The following COL7A1 variants were observed in gnomAD, a reference collection of about 807,000 sequenced individuals.
COL7A1 encodes collagen alpha-1(VII) chain.
In COL7A1, 296 loss-of-function variants were observed where a neutral mutation model predicts 456.2. That is an observed-to-expected ratio of 0.65 (90% CI 0.59 to 0.71). COL7A1 has a LOEUF of 0.71. COL7A1 is among the 30% of genes least tolerant of loss of function. COL7A1 has a pLI of 0.00. For missense variants in COL7A1, 3,441 were observed against 4,017.2 expected, an observed-to-expected ratio of 0.86 and a Z score of 3.88; for synonymous variants, 1,464 against 1,525.9, an observed-to-expected ratio of 0.96 and a Z score of 0.95.
chr3:48,566,332 A>T lies in COL7A1; in HGVS notation c.8359-17T>A, dbSNP rs200207978. On this transcript the variant is annotated splice_polypyrimidine_tract_variant and intron_variant, in intron 113 of 118. Coordinates refer to ENST00000681320, the MANE Select transcript of COL7A1 (RefSeq NM_000094.4). This position sits in a 1 kb window ranked among gnomAD's most constrained non-coding sequence, Gnocchi z 5.9. ...GTCATCCTCCTGGGAGCAGAAGACC[A>T]CAGGGACCATAAAGAACCCATGGCC... is the stretch of plus-strand genomic sequence containing the variant. 37 of 1,605,356 alleles carry T rather than the reference A, an allele frequency of 2.3e-5. No individual in the cohort carries two copies. The Admixed American group carries it at 4.5e-4, about 19-fold the overall frequency.
rs753853134 is a variant in COL7A1 at position 48,567,626 on chromosome 3, C to G, written c.7994G>C (p.Gly2665Ala). 4 of 1,613,716 alleles carry G rather than the reference C, an allele frequency of 2.5e-6. No homozygotes were observed. The highest frequency in any genetic ancestry group is 3.4e-6 in the Non-Finnish European group (4 of 1,179,950). Residue 2665 changes from glycine (G) to alanine (A), a missense_variant, in exon 109 of 119, where the codon GGT (glycine) becomes GCT (alanine). By Grantham distance (60) the Gly-to-Ala change is moderately conservative. Around this residue, in one of 3 missense-constraint regions of COL7A1, gnomAD observed 2,084 missense variants for 2,501.3 expected, o/e 0.83. Coordinates refer to ENST00000681320, the MANE Select transcript of COL7A1 (RefSeq NM_000094.4). This position sits in a 1 kb window ranked among gnomAD's most constrained non-coding sequence, Gnocchi z 4.3. ...AGHKGEMGEP[G>A]VPGQSGAPGK... is the part of the protein sequence containing the mutation. ...AGGGGCCCCCGACTGGCCCGGCACA[C>G]CAGGCTCCCCCTGGAGAAAAAAAGA...
In COL7A1 at chr3:48,578,253, A is replaced by T; in HGVS notation, c.5532+68T>A. On this transcript the variant is annotated intron_variant, in intron 65 of 118. Coordinates refer to ENST00000681320, the MANE Select transcript of COL7A1 (RefSeq NM_000094.4). This position sits in a 1 kb window ranked among gnomAD's most constrained non-coding sequence, Gnocchi z 4.7. ...ACGTGTGCCTCATGTGTTGCTACAG[A>T]TCTTGGCTGTGTAGGTGTGCTGGCG... is the stretch of plus-strand genomic sequence containing the variant. The T allele has an allele frequency of 6.3e-7, 1 of 1,582,906 alleles. No homozygotes were observed. The highest frequency in any genetic ancestry group is 8.7e-7 in the Non-Finnish European group (1 of 1,155,390).
chr3:48,576,036 T>G, intron 71 of COL7A1, 134 bp from the exon 72 acceptor site: 4 of 1,481,762 alleles, frequency 2.7e-6, no homozygotes, highest in Middle Eastern at 1.8e-4. Context: ...AGCACTTGGT[T>G]GAGGCATGGC....
Position 48,568,389 on chromosome 3 carries a change from T to C in COL7A1, c.7794+110A>G. ...GACCCTGGGTGACATGAGGACACCA[T>C]GAGAGCACTGGGTCACTATAAGGTC... On this transcript the variant is annotated intron_variant, in intron 105 of 118. Coordinates refer to ENST00000681320, the MANE Select transcript of COL7A1 (RefSeq NM_000094.4). The surrounding 1 kb of genome is among the most constrained non-coding windows in gnomAD (Gnocchi z 5.2). 8.3e-7 allele frequency: 1 copy of C among 1,207,344 alleles called. No homozygotes were observed. Among genetic ancestry groups the C allele is most frequent in the Non-Finnish European group, 1.2e-6 (1 of 837,642 alleles). The allele number at this position is 1,207,344 out of a possible 1,614,324, so 74.8% of individuals were successfully genotyped here. A position where few individuals can be genotyped will look rare whatever the true frequency, so the allele number is the denominator to read the frequency against.
At position 48,571,058 on chromosome 3, in the gene COL7A1, C is replaced by T. The variant is rs200688246; in HGVS notation, c.7164+43G>A. On this transcript the variant is annotated intron_variant, in intron 94 of 118. Coordinates refer to ENST00000681320, the MANE Select transcript of COL7A1 (RefSeq NM_000094.4). This position sits in a 1 kb window ranked among gnomAD's most constrained non-coding sequence, Gnocchi z 4.6. ...AACTCCCTCTTCCTCCTGTGGGGGC[C>T]CGGCCTGCTGCCCCTACAACTGGTG... The T allele has an allele frequency of 4.8e-5, 77 of 1,612,610 alleles. No individual in the cohort carries two copies. The East Asian group carries it at 1.3e-3, about 28-fold the overall frequency.
Position 48,570,181 on chromosome 3 carries a change from G to A in COL7A1, c.7441-3C>T. On this transcript the variant is annotated splice_polypyrimidine_tract_variant and splice_region_variant and intron_variant, in intron 98 of 118. Transcript: ENST00000681320. This position sits in a 1 kb window ranked among gnomAD's most constrained non-coding sequence, Gnocchi z 5.5. ...TGGCCGGGGCGGCCATCTTCACCCT[G>A]GATGGTGACATTAGGTTCATTGACT... 1 of 1,614,162 alleles carries A rather than the reference G, an allele frequency of 6.2e-7. No homozygotes were observed. The highest frequency in any genetic ancestry group is 1.7e-5 in the Admixed American group (1 of 60,028).
chr3:48,579,124 G>A lies in COL7A1; in HGVS notation c.5388+73C>T, dbSNP rs958134701. 5.7e-6 allele frequency: 9 copies of A among 1,576,348 alleles called. No individual in the cohort carries two copies. Among genetic ancestry groups the A allele is most frequent in the South Asian group, 2.2e-5 (2 of 90,198 alleles). On this transcript the variant is annotated intron_variant, in intron 62 of 118. Transcript: ENST00000681320. This position sits in a 1 kb window ranked among gnomAD's most constrained non-coding sequence, Gnocchi z 4.4. ...CTCGTCAAGGCCAAGACCAACCAATGAGGCTGGGGTCTAGGGTCCTCATGT... is the reference window on the plus strand; with the variant it reads ...CTCGTCAAGGCCAAGACCAACCAATAAGGCTGGGGTCTAGGGTCCTCATGT...
rs757458214 is a variant in COL7A1 at position 48,565,106 on chromosome 3, C to T, written c.8620+3G>A. On this transcript the variant is annotated splice_donor_region_variant and intron_variant, in intron 117 of 118. Transcript: ENST00000681320. The surrounding 1 kb of genome is among the most constrained non-coding windows in gnomAD (Gnocchi z 4.5). ...GACCCCGCTGGCAGCCCCCCATTCT[C>T]ACCATCACTATCCCAAGGAGCTTCA... 2.5e-6 allele frequency: 4 copies of T among 1,613,902 alleles called. No individual in the cohort carries two copies. The South Asian group carries it at 3.3e-5, about 13-fold the overall frequency.
chr3:48,591,442 G>T lies in COL7A1; in HGVS notation c.1636+22C>A, dbSNP rs1038961995. 5 of 1,611,832 alleles carry T rather than the reference G, an allele frequency of 3.1e-6. No homozygotes were observed. The Admixed American group carries it at 8.3e-5, about 27-fold the overall frequency. ...TGGAACTTCAGTGTGTGTGGTGGGG[G>T]TGCTGGCTGCGTCCACCTCACCCTG... On this transcript the variant is annotated intron_variant, in intron 13 of 118. Coordinates refer to ENST00000681320, the MANE Select transcript of COL7A1 (RefSeq NM_000094.4). The surrounding 1 kb of genome is among the most constrained non-coding windows in gnomAD (Gnocchi z 7.0).
chr3:48,584,094 G>A, intron 37 of COL7A1, 33 bp from the exon 38 acceptor site: 1 of 1,614,170 alleles, frequency 6.2e-7, no homozygotes, highest in South Asian at 1.1e-5. Context: ...ATGACCCTGG[G>A]CCACACCTCA....
rs767036698 is a variant in COL7A1 at position 48,584,323 on chromosome 3, G to A, written c.4172C>T (p.Pro1391Leu). Residue 1391 changes from proline to leucine, a missense_variant, in exon 37 of 119, where the codon CCA (proline) becomes CTA (leucine). Transcript: ENST00000681320. Reference protein sequence around the residue: ...PLGDPGPRGPPGLPGTAMKGD... With the variant: ...PLGDPGPRGPLGLPGTAMKGD... ...CTTCATGGCTGTTCCAGGAAGCCCT[G>A]GGGGGCCACGGGGTCCTGGGTCCCC... is the stretch of plus-strand genomic sequence containing the variant. 2.6e-5 allele frequency: 42 copies of A among 1,612,270 alleles called. No individual in the cohort carries two copies. The highest frequency in any genetic ancestry group is 3.4e-5 in the Non-Finnish European group (40 of 1,179,256).
In COL7A1 at chr3:48,572,875, C is replaced by G. The variant is rs1394275573; in HGVS notation, c.6818G>C (p.Ser2273Thr). The G allele has an allele frequency of 6.2e-7, 1 of 1,614,056 alleles. No homozygotes were observed. ...CAGAACACATACTGGCACACCAGGG[C>G]TCCCTCTGTCTCCATCTTTTCCACT... Reference protein sequence around the residue: ...GASGKDGDRGSPGVPGSPGLP... With the variant: ...GASGKDGDRGTPGVPGSPGLP... Residue 2273 changes from serine (S) to threonine (T), a missense_variant, in exon 87 of 119, where the codon AGC becomes ACC. Ser to Thr is a moderately conservative substitution (Grantham distance 58, BLOSUM62 1). Transcript: ENST00000681320. The surrounding 1 kb of genome is among the most constrained non-coding windows in gnomAD (Gnocchi z 4.6).
chr3:48,589,873 A>G (rs1046674155), intron 16 of COL7A1, among the ~76,000 whole-genome samples, 155 bp from the exon 17 acceptor site: 1 of 152,148 alleles, frequency 6.6e-6, no homozygotes, highest in Admixed American at 6.5e-5. Flanking sequence ...TGGAGGTTTT[A>G]GGAAGCAGTG....
chr3:48,586,648 G>C lies in COL7A1; in HGVS notation c.3318C>G (p.Phe1106Leu), dbSNP rs780864479. The change falls in exon 26 of 119, where the codon TTC (phenylalanine) becomes TTG (leucine). Residue 1106 changes from phenylalanine to leucine, a missense_variant. Phe to Leu is a conservative substitution (Grantham distance 22). This residue lies in a region of COL7A1 where 444 missense variants were observed against 427.6 expected (regional missense o/e 1.04). Transcript: ENST00000681320. The surrounding 1 kb of genome is among the most constrained non-coding windows in gnomAD (Gnocchi z 5.1). ...CAAGGTCATGGGAGCCATTCAGTGGGAACAGTGGGGAGGGCCGATGACTGT... is the reference window on the plus strand; with the variant it reads ...CAAGGTCATGGGAGCCATTCAGTGGCAACAGTGGGGAGGGCCGATGACTGT... ...LSYSHRPSPL[F>L]PLNGSHDLGI... 6.2e-7 allele frequency: 1 copy of C among 1,612,464 alleles called. No homozygotes were observed. Among genetic ancestry groups the C allele is most frequent in the Non-Finnish European group, 8.5e-7 (1 of 1,179,520 alleles).
At position 48,575,711 on chromosome 3, in the gene COL7A1, T is replaced by C; in HGVS notation, c.5894A>G (p.Glu1965Gly). The change falls in exon 73 of 119, where the codon GAG (glutamate) becomes GGG (glycine). Residue 1965 changes from glutamate to glycine, a missense_variant. This residue lies in a region of COL7A1 where 2,084 missense variants were observed against 2,501.3 expected (regional missense o/e 0.83). Coordinates refer to ENST00000681320, the MANE Select transcript of COL7A1 (RefSeq NM_000094.4). This position sits in a 1 kb window ranked among gnomAD's most constrained non-coding sequence, Gnocchi z 6.3. ...CACAGGCAGGAAGCTACCAGAGCTCTCATCCCAGGTCTCCACGATCTCCCG... is the reference window on the plus strand; with the variant it reads ...CACAGGCAGGAAGCTACCAGAGCTCCCATCCCAGGTCTCCACGATCTCCCG... ...ALREIVETWD[E>G]SSGSFLPVPE... 4 of 1,613,820 alleles carry C rather than the reference T, an allele frequency of 2.5e-6. No individual in the cohort carries two copies. Among genetic ancestry groups the C allele is most frequent in the Non-Finnish European group, 3.4e-6 (4 of 1,180,020 alleles).
chr3:48,576,339 G>A, intron 70 of COL7A1, 43 bp from the exon 71 acceptor site: 4 of 1,613,952 alleles, frequency 2.5e-6, no homozygotes, highest in Non-Finnish European at 3.4e-6. Context: ...GCCTATGGGT[G>A]TGCATGTGCA....
Position 48,566,391 on chromosome 3 carries a change from C to T in COL7A1, c.8359-76G>A, listed in dbSNP as rs2043606522. 3 of 1,605,470 alleles carry T rather than the reference C, an allele frequency of 1.9e-6. No individual in the cohort carries two copies. The highest frequency in any genetic ancestry group is 2.2e-5 in the South Asian group (2 of 90,628). ...GGACATAGGGCACATAATACAGGGA[C>T]TATGGTGAGACTGCATGGAGCCAGG... On this transcript the variant is annotated intron_variant, in intron 113 of 118. Transcript: ENST00000681320. The surrounding 1 kb of genome is among the most constrained non-coding windows in gnomAD (Gnocchi z 5.9).
Position 48,569,950 on chromosome 3 carries a change from C to A in COL7A1, c.7486-35G>T, listed in dbSNP as rs751818968. The A allele has an allele frequency of 1.1e-4, 174 of 1,613,774 alleles. 3 individuals carry two copies. The South Asian group carries it at 1.9e-3, about 17-fold the overall frequency. ...AGAAGGTGACCGTGAGCTACAGGAA[C>A]CAGGGCAGTGGAGGACGGAGGAGGA... On this transcript the variant is annotated intron_variant, in intron 99 of 118. Transcript: ENST00000681320. The surrounding 1 kb of genome is among the most constrained non-coding windows in gnomAD (Gnocchi z 4.9).
rs767773721 is a variant in COL7A1 at position 48,565,167 on chromosome 3, T to C, written c.8562A>G (p.Glu2854=). The change falls in exon 117 of 119, where the codon GAA becomes GAG. Residue 2854 remains glutamate (E), a synonymous_variant. Transcript: ENST00000681320. The surrounding 1 kb of genome is among the most constrained non-coding windows in gnomAD (Gnocchi z 4.5). ...RVPPEDDEYS[E]YSEYSVEEYQ... ...ACTCCTCCACAGAATACTCGGAGTATTCAGAGTACTCATCATCCTCAGGGG... is the reference window on the plus strand; with the variant it reads ...ACTCCTCCACAGAATACTCGGAGTACTCAGAGTACTCATCATCCTCAGGGG... 6.2e-7 allele frequency: 1 copy of C among 1,613,990 alleles called. No homozygotes were observed. The highest frequency in any genetic ancestry group is 1.1e-5 in the South Asian group (1 of 91,022).
Sources: allele counts gnomAD v4.1 joint callset (sites outside exome capture counted in the v4.1 genomes callset), GRCh38; gene constraint gnomAD v4.1.1; regional missense constraint gnomAD v4.1.1; non-coding constraint Gnocchi (gnomAD v3.1); transcripts MANE v1.5; gene names NCBI Gene and HGNC (gene_info 2026-07-23, HGNC 2026-07-21).